Variants in UBAP2 observed in about 807,000 individuals in gnomAD.
The protein encoded by UBAP2 is ubiquitin-associated protein 2.
In UBAP2, 75 loss-of-function variants were observed where a neutral mutation model predicts 139.6. That is an observed-to-expected ratio of 0.54 (90% confidence interval 0.45 to 0.65). The LOEUF is 0.65. UBAP2 is among the 30% of genes least tolerant of loss of function. The pLI is 0.00. For synonymous variants in UBAP2, 526 were observed against 526.2 expected (o/e 1.00, Z 0.01); for missense variants, 1,368 against 1,369.6 (o/e 1.00, Z 0.02).
intron 2 of UBAP2, among the ~76,000 whole-genome samples, chr9:34,015,193 A>G (rs1824140520): frequency 6.6e-6 from 1 of 152,250 alleles, no homozygotes; most frequent in Non-Finnish European, 1.5e-5. Context: ...AATCTAGTCA[A>G]TAACATGTAT....
intron 1 of UBAP2, among the ~76,000 whole-genome samples, chr9:34,046,302 A>T (rs1368048783): frequency 1.8e-5 from 2 of 111,758 alleles, no homozygotes; most frequent in Non-Finnish European, 3.7e-5. Flanking sequence ...TCATCATTTA[A>T]AAAAAAAAAA....
At chr9:33,933,363 AAT>A in intron 18 of UBAP2, 125 bp downstream of exon 18, 1 of 1,132,716 alleles carries the variant, frequency 8.8e-7, no homozygotes. Context: ...CTACAGTCGT[AAT>A]GCAAAAGCCC....
intron 1 of UBAP2, among the ~76,000 whole-genome samples, chr9:34,042,002 G>A (rs1246301124): frequency 2.0e-5 from 3 of 152,052 alleles, no homozygotes; most frequent in South Asian, 2.1e-4. Flanking sequence ...TCCAGCCTGA[G>A]CAACAGACTG....
intron 2 of UBAP2, among the ~76,000 whole-genome samples, chr9:34,005,434 C>CAAA (rs36086568): frequency 1.5e-4 from 13 of 86,276 alleles, no homozygotes; most frequent in African/African-American, 5.2e-4. Flanking sequence ...GACCCTGTCT[C>CAAA]AAAAAAAAAA....
chr9:34,006,875 T>G (rs933451407), intron 2 of UBAP2, among the ~76,000 whole-genome samples: 2 of 152,140 alleles, frequency 1.3e-5, no homozygotes, highest in Non-Finnish European at 2.9e-5. Context: ...GAAACTGACT[T>G]AAGTATTGAC....
At chr9:33,938,684 T>C (rs1041233872) in intron 16 of UBAP2, among the ~76,000 whole-genome samples, 8 of 150,862 alleles carry the variant, frequency 5.3e-5, no homozygotes, top group Middle Eastern at 6.8e-3. Flanking sequence ...TAATCACAGC[T>C]ACTAGGGAGG....
chr9:33,966,036 C>A (rs563569533), intron 8 of UBAP2, among the ~76,000 whole-genome samples: 4 of 144,714 alleles, frequency 2.8e-5, no homozygotes, highest in Non-Finnish European at 6.0e-5. Context: ...ACTGACGAAG[C>A]GAGACTCCAT....
Position 33,948,366 on chromosome 9 carries a change from ATACC to A in UBAP2, c.1270+4_1270+7del. On this transcript the variant is annotated splice_donor_5th_base_variant and intron_variant, in intron 13 of 28. Transcript: ENST00000379238. ...GTAGGGGCAAACCCACAAACAATGT[ATACC>A]TACCAAGATGACTGAGGACTGAGGA... 1 of 1,602,752 alleles carries A rather than the reference ATACC, an allele frequency of 6.2e-7. No homozygotes were observed. Among genetic ancestry groups the A allele is most frequent in the Non-Finnish European group, 8.5e-7 (1 of 1,172,332 alleles).
At chr9:34,002,551 T>C (rs1431026543) in intron 2 of UBAP2, among the ~76,000 whole-genome samples, 1 of 151,990 alleles carries the variant, frequency 6.6e-6, no homozygotes, top group Non-Finnish European at 1.5e-5. Context: ...CTAATTTTTG[T>C]ATTTTTAGTA....
At chr9:33,941,564 C>A (rs1587534013) in intron 16 of UBAP2, 85 bp downstream of exon 16, 1 of 1,179,946 alleles carries the variant, frequency 8.5e-7, no homozygotes, top group Non-Finnish European at 1.2e-6. Context: ...AAAATAAAAT[C>A]ATATCCAAGA....
intron 2 of UBAP2, among the ~76,000 whole-genome samples, chr9:34,014,097 G>C (rs1307655527): frequency 1.3e-5 from 2 of 151,648 alleles, no homozygotes; most frequent in Non-Finnish European, 2.9e-5. Context: ...TCAAGGGGGG[G>C]ACAGATCACT....
chr9:34,031,485 T>C (rs1825884906), intron 1 of UBAP2, among the ~76,000 whole-genome samples: 1 of 152,022 alleles, frequency 6.6e-6, no homozygotes, highest in African/African-American at 2.4e-5. Context: ...TTTTTGTATT[T>C]TTAGTAGAGA....
At chr9:33,963,992 A>C (rs1016209530) in intron 8 of UBAP2, among the ~76,000 whole-genome samples, 3 of 152,150 alleles carry the variant, frequency 2.0e-5, no homozygotes, top group Non-Finnish European at 4.4e-5. Context: ...GGACACTCAA[A>C]TCACTTCAAT....
At chr9:33,933,797 C>T (rs928074293) in intron 17 of UBAP2, among the ~76,000 whole-genome samples, 169 bp from the exon 18 acceptor site, 4 of 152,208 alleles carry the variant, frequency 2.6e-5, no homozygotes, top group Non-Finnish European at 5.9e-5. Context: ...AGCCCTTTGT[C>T]TGTCAAACAA....
At chr9:33,948,056 A>G (rs1825794281) in intron 13 of UBAP2, among the ~76,000 whole-genome samples, 1 of 151,818 alleles carries the variant, frequency 6.6e-6, no homozygotes, top group Non-Finnish European at 1.5e-5. Flanking sequence ...CTTCTAAGAG[A>G]GCTCAGAAAA....
In UBAP2 at chr9:33,922,997, T is replaced by C. The variant is rs763588609; in HGVS notation, c.3041A>G (p.Asp1014Gly). The change falls in exon 27 of 29, where the codon GAT becomes GGT. Residue 1014 changes from aspartate (D) to glycine (G), a missense_variant. Coordinates refer to ENST00000379238, the MANE Select transcript of UBAP2 (RefSeq NM_001370062.2). ...SVSSSTTGLPDMTGSVYNKTQ... is the reference protein window; with the variant it reads ...SVSSSTTGLPGMTGSVYNKTQ... ...CTTATTGTAGACAGAACCAGTCATA[T>C]CAGGTAGACCAGTGGTGCTTGAAGA... 3 of 1,614,158 alleles carry C rather than the reference T, an allele frequency of 1.9e-6. No homozygotes were observed. The highest frequency in any genetic ancestry group is 2.2e-5 in the East Asian group (1 of 44,880).
intron 2 of UBAP2, among the ~76,000 whole-genome samples, chr9:34,002,909 A>T (rs1051363571): frequency 4.6e-5 from 7 of 152,028 alleles, no homozygotes; most frequent in Non-Finnish European, 1.0e-4. Context: ...ATTAATATTG[A>T]ACCCCCCGAG....
intron 6 of UBAP2, among the ~76,000 whole-genome samples, chr9:33,975,508 G>A (rs1314610999): frequency 2.0e-5 from 3 of 148,940 alleles, no homozygotes; most frequent in African/African-American, 7.4e-5. Context: ...TGGTAAAAAC[G>A]TAAAATGGGG....
At chr9:34,015,843 AC>A (rs1824201979) in intron 2 of UBAP2, among the ~76,000 whole-genome samples, 2 of 150,628 alleles carry the variant, frequency 1.3e-5, no homozygotes, top group Admixed American at 6.6e-5. Flanking sequence ...TACTTTTTAA[AC>A]TTTTTGTAGA....
Sources: gnomAD v4.1 joint callset for allele counts (sites outside exome capture counted in the v4.1 genomes callset) on GRCh38, gnomAD v4.1.1 for gene constraint, MANE v1.5 for transcripts, NCBI Gene and HGNC (gene_info 2026-07-23, HGNC 2026-07-21) for gene names.